The following EPHX1 variants were observed in gnomAD, a reference collection of about 807,000 sequenced individuals.
EPHX1 encodes epoxide hydratase.
Under a neutral mutation model 43.2 loss-of-function variants are expected in EPHX1, and 40 were observed. The observed-to-expected ratio is 0.93, with a 90% CI of 0.72 to 1.21. The LOEUF (loss-of-function observed/expected upper bound fraction) is 1.21. EPHX1 is among the 50% of genes most tolerant of loss of function. The pLI, the probability that EPHX1 is intolerant of heterozygous loss-of-function variation, is 0.00. For synonymous variants in EPHX1, 221 were observed against 226.7 expected, an observed-to-expected ratio of 0.98 and a Z score of 0.22; for missense variants, 550 against 570.4, an observed-to-expected ratio of 0.96 and a Z score of 0.36.
In EPHX1 at chr1:225,839,314, G is replaced by A. The variant is rs1431236139; in HGVS notation, c.690G>A (p.Leu230=). The A allele has an allele frequency of 6.2e-7, 1 of 1,613,996 alleles. No individual in the cohort carries two copies. The highest frequency in any genetic ancestry group is 2.2e-5 in the East Asian group (1 of 44,856). ...TTCAAGGAGGGGACTGGGGGTCCCT[G>A]ATCTGCACTAATATGGCCCAGCTGG... ...FYIQGGDWGS[L]ICTNMAQLVP... The change falls in exon 5 of 9, where the codon CTG becomes CTA. Residue 230 remains leucine, a synonymous_variant. Coordinates refer to ENST00000272167, the MANE Select transcript of EPHX1 (RefSeq NM_001136018.4).
chr1:225,845,479 C>A lies in EPHX1; in HGVS notation c.*132C>A, dbSNP rs1668897997. Reference sequence around the variant, plus strand: ...CCATGCTGGGAGCCCACGCTCACCCCCTCACCCCTCCAAGCTCACTCCCCA... The same window carrying A: ...CCATGCTGGGAGCCCACGCTCACCCACTCACCCCTCCAAGCTCACTCCCCA... On this transcript the variant is annotated 3_prime_UTR_variant, in exon 9 of 9. Coordinates refer to ENST00000272167, the MANE Select transcript of EPHX1 (RefSeq NM_001136018.4). 3.4e-6 allele frequency: 3 copies of A among 879,446 alleles called. No individual in the cohort carries two copies. The Admixed American group carries it at 6.5e-5, about 19-fold the overall frequency. 54.5% of individuals were successfully genotyped at this position (879,446 alleles called of 1,614,324 possible).
In EPHX1 at chr1:225,836,158, G is replaced by T. The variant is rs79200637; in HGVS notation, c.365-2496G>T. ...GTTTGAACTGTCACAGCCAAGAAGG[G>T]TCTAAAGAGACATGACAGCTCAGTG... is the stretch of plus-strand genomic sequence containing the variant. On this transcript the variant is annotated intron_variant, in intron 3 of 8. Coordinates refer to ENST00000272167, the MANE Select transcript of EPHX1 (RefSeq NM_001136018.4). Among the ~76,000 whole-genome samples the T allele has an allele frequency of 1.3e-3, 204 of 152,326 alleles. 1 individual carries two copies. The highest frequency in any genetic ancestry group is 4.8e-3 in the African/African-American group (198 of 41,572).
At chr1:225,839,401 G>C (rs1419090399) in intron 5 of EPHX1, 55 bp downstream of exon 5, 2 of 1,583,034 alleles carry the variant, frequency 1.3e-6, no homozygotes, top group South Asian at 1.1e-5. Context: ...GTGTGTGTGT[G>C]TCCTCTAAGA....
intron 1 of EPHX1, among the ~76,000 whole-genome samples, chr1:225,827,721 A>G (rs1003829057): frequency 2.6e-5 from 4 of 152,210 alleles, no homozygotes; most frequent in African/African-American, 9.6e-5. Context: ...GACTGTGGCT[A>G]TGGCTGCACA....
At chr1:225,834,274 A>G (rs553469767) in intron 3 of EPHX1, among the ~76,000 whole-genome samples, 36 of 151,622 alleles carry the variant, frequency 2.4e-4, no homozygotes, top group East Asian at 1.6e-3. Context: ...GCATGGTGGC[A>G]CGTGCCTGTA....
intron 3 of EPHX1, among the ~76,000 whole-genome samples, chr1:225,838,105 G>A (rs1031448393): frequency 6.6e-5 from 10 of 152,154 alleles, no homozygotes; most frequent in African/African-American, 1.9e-4. Context: ...TCACACAATG[G>A]ATATGACTTG....
intron 1 of EPHX1, among the ~76,000 whole-genome samples, chr1:225,826,870 G>T (rs1173502782): frequency 6.6e-6 from 1 of 152,128 alleles, no homozygotes; most frequent in Non-Finnish European, 1.5e-5. Context: ...TGTGGGGAAA[G>T]AATTGGAGAT....
At chr1:225,832,844 G>T (rs1667690808) in intron 3 of EPHX1, among the ~76,000 whole-genome samples, 1 of 152,154 alleles carries the variant, frequency 6.6e-6, no homozygotes, top group African/African-American at 2.4e-5. Context: ...TGGATTCTTT[G>T]TAATTTCTCC....
At chr1:225,834,917 TC>T (rs769916638) in intron 3 of EPHX1, among the ~76,000 whole-genome samples, 20 of 152,108 alleles carry the variant, frequency 1.3e-4, no homozygotes, top group Non-Finnish European at 2.4e-4. Flanking sequence ...GAGGACAGGG[TC>T]CCTCCTTCAC....
chr1:225,836,003 G>A (rs76701451), intron 3 of EPHX1, among the ~76,000 whole-genome samples: 31 of 152,228 alleles, frequency 2.0e-4, no homozygotes, highest in Non-Finnish European at 3.7e-4. Context: ...CTTTAGAATA[G>A]GAGTAAATTT....
chr1:225,830,304 A>G (rs1018580055), intron 2 of EPHX1, among the ~76,000 whole-genome samples: 1 of 152,148 alleles, frequency 6.6e-6, no homozygotes, highest in Non-Finnish European at 1.5e-5. Flanking sequence ...AGGGAGTCTG[A>G]GATTTCCAAA....
rs764312984 is a variant in EPHX1 at position 225,838,808 on chromosome 1, C to T, written c.519C>T (p.Ser173=). 6.8e-6 allele frequency: 11 copies of T among 1,614,178 alleles called. No homozygotes were observed. The highest frequency in any genetic ancestry group is 5.0e-5 in the Admixed American group (3 of 60,026). ...LLTDPKNHGL[S]DEHVFEVICP... is the part of the protein sequence containing the mutation. The stretch of plus-strand genomic sequence containing the variant: ...CTGACCCCAAGAACCATGGCCTGAG[C>T]GATGAGCACGTTTTTGAAGTCATCT... Residue 173 remains serine, a synonymous_variant, in exon 4 of 9, where the codon AGC becomes AGT. Coordinates refer to ENST00000272167, the MANE Select transcript of EPHX1 (RefSeq NM_001136018.4).
At chr1:225,832,397 G>A (rs1012996692) in intron 3 of EPHX1, among the ~76,000 whole-genome samples, 2 of 152,244 alleles carry the variant, frequency 1.3e-5, no homozygotes, top group African/African-American at 4.8e-5. Flanking sequence ...ATAGCCAGGT[G>A]TGTTGGCAGG....
chr1:225,839,483 G>C, intron 5 of EPHX1, 137 bp downstream of exon 5: 2 of 1,493,358 alleles, frequency 1.3e-6, no homozygotes, highest in Non-Finnish European at 1.8e-6. Flanking sequence ...TCACTCAGCA[G>C]TGCCTGAGGC....
intron 1 of EPHX1, among the ~76,000 whole-genome samples, chr1:225,816,554 G>A (rs1040965694): frequency 1.3e-5 from 2 of 152,208 alleles, no homozygotes; most frequent in African/African-American, 4.8e-5. Context: ...CCTGCAGCAT[G>A]TGGGGCATCT....
At chr1:225,827,284 G>C (rs567354114) in intron 1 of EPHX1, among the ~76,000 whole-genome samples, 3 of 152,152 alleles carry the variant, frequency 2.0e-5, no homozygotes, top group Non-Finnish European at 4.4e-5. Flanking sequence ...TGGTTTGCAG[G>C]GGCCTTGTCA....
chr1:225,816,816 C>T (rs994705117), intron 1 of EPHX1, among the ~76,000 whole-genome samples: 2 of 152,216 alleles, frequency 1.3e-5, no homozygotes, highest in African/African-American at 4.8e-5. Flanking sequence ...TAACTGCCCG[C>T]GGGCTGGCTC....
chr1:225,842,295 C>T, intron 6 of EPHX1, 71 bp from the exon 7 acceptor site: 2 of 1,168,720 alleles, frequency 1.7e-6, no homozygotes, highest in Non-Finnish European at 2.6e-6. Flanking sequence ...CAGTGCCACA[C>T]ATCACACCTG....
Position 225,817,666 on chromosome 1 carries a change from A to G in EPHX1, c.-6+7497A>G, listed in dbSNP as rs543357600. Among the ~76,000 whole-genome samples the G allele has an allele frequency of 2.6e-5, 4 of 152,316 alleles. No homozygotes were observed. The South Asian group carries it at 8.3e-4, about 32-fold the overall frequency. On this transcript the variant is annotated intron_variant, in intron 1 of 8. Coordinates refer to ENST00000272167, the MANE Select transcript of EPHX1 (RefSeq NM_001136018.4). This position sits in a 1 kb window ranked among gnomAD's most constrained non-coding sequence, Gnocchi z 5.7. ...CTCCCCAAAGTGGCAGACTTCCCCC[A>G]GGAGAAGCACTGGCTTTTCACGCTG... is the stretch of plus-strand genomic sequence containing the variant.
Sources: allele counts gnomAD v4.1 joint callset (sites outside exome capture counted in the v4.1 genomes callset), GRCh38; gene constraint gnomAD v4.1.1; non-coding constraint Gnocchi (gnomAD v3.1); transcripts MANE v1.5; gene names NCBI Gene and HGNC (gene_info 2026-07-23, HGNC 2026-07-21).